The following ATP6V1A variants were observed in gnomAD, a reference collection of about 807,000 sequenced individuals.
ATP6V1A encodes the protein ATPase H+ transporting V1 subunit A, also known as V-type proton ATPase catalytic subunit A.
In ATP6V1A, 18 loss-of-function variants were observed where a neutral mutation model predicts 70.1. The observed-to-expected ratio is 0.26, with a 90% confidence interval of 0.18 to 0.38. ATP6V1A has a LOEUF of 0.38. Among genes scored for constraint, ATP6V1A ranks in the 10% least tolerant of loss-of-function variants. ATP6V1A has a pLI of 1.00. For missense variants in ATP6V1A, 424 were observed against 772.4 expected (o/e 0.55, Z 5.35); for synonymous variants, 232 against 253.8 (o/e 0.91, Z 0.82).
In ATP6V1A at chr3:113,810,671, T is replaced by TTA. The variant is rs1397497664; in HGVS notation, c.*1244_*1245insTA. The TTA allele has an allele frequency of 2.0e-5, 3 of 152,266 alleles. No individual in the cohort carries two copies. The East Asian group carries it at 5.8e-4, about 29-fold the overall frequency. 9.4% of individuals were successfully genotyped at this position (152,266 alleles called of 1,614,324 possible). A position where few individuals can be genotyped will look rare whatever the true frequency, so the allele number is the denominator to read the frequency against. ...ATGGGCAGTAAAATACCAGAGAAGATGTTTAGTAGCAATTAAAGGCTGTTT... is the reference window on the plus strand; with the variant it reads ...ATGGGCAGTAAAATACCAGAGAAGATTAGTTTAGTAGCAATTAAAGGCTGTTT... On this transcript the variant is annotated 3_prime_UTR_variant, in exon 15 of 15. Transcript: ENST00000273398.
At chr3:113,801,885 G>T (rs999304843) in intron 12 of ATP6V1A, among the ~76,000 whole-genome samples, 1 of 148,712 alleles carries the variant, frequency 6.7e-6, no homozygotes, top group Non-Finnish European at 1.5e-5. Context: ...TTTACCTGTG[G>T]TTGAAGAGAG....
At chr3:113,804,543 A>G (rs1399798560) in intron 13 of ATP6V1A, among the ~76,000 whole-genome samples, 1 of 152,046 alleles carries the variant, frequency 6.6e-6, no homozygotes, top group Non-Finnish European at 1.5e-5. Flanking sequence ...TTCTCCCTCA[A>G]ATCATATTTG....
intron 2 of ATP6V1A, 105 bp from the exon 3 acceptor site, chr3:113,780,945 A>G: frequency 2.1e-6 from 3 of 1,431,090 alleles, no homozygotes; most frequent in South Asian, 1.4e-5. Flanking sequence ...TTATGAATAT[A>G]TGAGAGAGGC....
chr3:113,799,035 C>G (rs1410499416), intron 12 of ATP6V1A, among the ~76,000 whole-genome samples: 3 of 152,256 alleles, frequency 2.0e-5, no homozygotes, highest in African/African-American at 7.2e-5. Context: ...ACATGTATTA[C>G]TACTTACTAT....
chr3:113,771,533 G>C (rs1329855620), intron 1 of ATP6V1A, among the ~76,000 whole-genome samples: 1 of 150,314 alleles, frequency 6.7e-6, no homozygotes, highest in African/African-American at 2.4e-5. Flanking sequence ...CGCCTCCCGG[G>C]TTCAGGCCAT....
intron 1 of ATP6V1A, among the ~76,000 whole-genome samples, chr3:113,748,081 G>A (rs1708544566): frequency 6.6e-6 from 1 of 152,026 alleles, no homozygotes; most frequent in Admixed American, 6.5e-5. Context: ...TTCCTTGATC[G>A]GCTTTGTGGT....
chr3:113,753,058 G>T (rs574853577), intron 1 of ATP6V1A, among the ~76,000 whole-genome samples: 1 of 151,794 alleles, frequency 6.6e-6, no homozygotes, highest in Non-Finnish European at 1.5e-5. Flanking sequence ...AAAATCAGGC[G>T]GAAAAAAAGG....
intron 12 of ATP6V1A, among the ~76,000 whole-genome samples, chr3:113,799,079 T>A (rs1279010557): frequency 6.6e-6 from 1 of 151,954 alleles, no homozygotes; most frequent in African/African-American, 2.4e-5. Context: ...ATCTGCCCAA[T>A]AAGAGAAGCA....
rs775004785 is a variant in ATP6V1A, at chr3:113,798,451, G to A, written c.1494+5G>A. ...ATTGTACAGCTTGTGGGAAAGGTGA[G>A]TTGTTAAATTCCATGGAAGATAGAT... On this transcript the variant is annotated splice_donor_5th_base_variant and intron_variant, in intron 12 of 14. Transcript: ENST00000273398. The A allele has an allele frequency of 3.7e-6, 6 of 1,613,418 alleles. No individual in the cohort carries two copies. In the South Asian group the frequency reaches 6.6e-5, roughly 18 times the overall value.
At chr3:113,795,998 C>A in intron 11 of ATP6V1A, 59 bp downstream of exon 11, 1 of 1,382,188 alleles carries the variant, frequency 7.2e-7, no homozygotes, top group South Asian at 1.3e-5. Flanking sequence ...GCAGCCCCTG[C>A]TGTTCTAATG....
chr3:113,800,211 G>C (rs1709195644), intron 12 of ATP6V1A, among the ~76,000 whole-genome samples: 1 of 147,492 alleles, frequency 6.8e-6, no homozygotes, highest in Admixed American at 6.8e-5. Context: ...TAGCCTGGGT[G>C]ACAGAGTGAG....
At chr3:113,748,154 G>A (rs1259877196) in intron 1 of ATP6V1A, among the ~76,000 whole-genome samples, 1 of 152,092 alleles carries the variant, frequency 6.6e-6, no homozygotes, top group Non-Finnish European at 1.5e-5. Flanking sequence ...AACTCCCGGT[G>A]CCCTCTTCAG....
chr3:113,809,245 ACT>A (rs1327383683), intron 14 of ATP6V1A, 88 bp from the exon 15 acceptor site: 1 of 1,085,774 alleles, frequency 9.2e-7, no homozygotes, highest in African/African-American at 1.6e-5. Context: ...ACAGAGCAAG[ACT>A]CTGCCTCCAA....
intron 4 of ATP6V1A, 79 bp from the exon 5 acceptor site, chr3:113,784,617 T>A: frequency 6.5e-7 from 1 of 1,530,928 alleles, no homozygotes; most frequent in Non-Finnish European, 8.9e-7. Context: ...AGTCAGGTAA[T>A]TGATTTAAAT....
chr3:113,748,954 T>A (rs1708555154), intron 1 of ATP6V1A, among the ~76,000 whole-genome samples: 1 of 152,146 alleles, frequency 6.6e-6, no homozygotes, highest in South Asian at 2.1e-4. Flanking sequence ...GTTACTTCAG[T>A]GACCAGGTGA....
At chr3:113,798,681 C>A (rs1321834970) in intron 12 of ATP6V1A, among the ~76,000 whole-genome samples, 1 of 152,100 alleles carries the variant, frequency 6.6e-6, no homozygotes, top group Non-Finnish European at 1.5e-5. Flanking sequence ...CCATCACCAA[C>A]CAAATTAGAG....
Position 113,811,704 on chromosome 3 carries a change from T to C in ATP6V1A, c.*2277T>C, listed in dbSNP as rs1413690183. Reference sequence around the variant, plus strand: ...ATGCTAGCGAACCTATGCTCAGATATTCATCGTAAGTCTCCCTTCACCTGT... The same window carrying C: ...ATGCTAGCGAACCTATGCTCAGATACTCATCGTAAGTCTCCCTTCACCTGT... On this transcript the variant is annotated 3_prime_UTR_variant, in exon 15 of 15. Transcript: ENST00000273398. 1 of 152,636 alleles carries C rather than the reference T, an allele frequency of 6.6e-6. No homozygotes were observed. Among genetic ancestry groups the C allele is most frequent in the African/African-American group, 2.4e-5 (1 of 41,466 alleles). 9.5% of individuals were successfully genotyped at this position (152,636 alleles called of 1,614,324 possible).
At chr3:113,766,960 C>A (rs1401723394) in intron 1 of ATP6V1A, among the ~76,000 whole-genome samples, 1 of 151,982 alleles carries the variant, frequency 6.6e-6, no homozygotes, top group Non-Finnish European at 1.5e-5. Context: ...AGTTCTGTCC[C>A]CTATTTCTTA....
chr3:113,788,961 T>C (rs1312800617), intron 7 of ATP6V1A, 86 bp downstream of exon 7: 5 of 1,203,926 alleles, frequency 4.2e-6, no homozygotes, highest in Non-Finnish European at 6.0e-6. Context: ...GTGTTGGGTC[T>C]GGAGCAATGC....
Sources: allele counts gnomAD v4.1 joint callset (sites outside exome capture counted in the v4.1 genomes callset), GRCh38; gene constraint gnomAD v4.1.1; transcripts MANE v1.5; gene names NCBI Gene and HGNC (gene_info 2026-07-23, HGNC 2026-07-21).